The following ALLC variants were observed in gnomAD, a reference collection of about 807,000 sequenced individuals.
ALLC encodes the protein allantoicase.
In ALLC, 40 loss-of-function variants were observed where a neutral mutation model predicts 45.0. The ratio of observed to expected loss-of-function variants is 0.89; its 90% CI spans 0.69 to 1.16. ALLC has a LOEUF of 1.16. ALLC is among the 50% of genes most tolerant of loss of function. The probability of loss-of-function intolerance (pLI) is 0.00; values close to 1 mark genes in which losing one functional copy is unlikely to be tolerated. For synonymous variants in ALLC, 176 were observed against 178.1 expected, an observed-to-expected ratio of 0.99 and a Z score of 0.09; for missense variants, 488 against 493.1, an observed-to-expected ratio of 0.99 and a Z score of 0.10.
At chr2:3,675,225 C>T (rs1666991648) in intron 3 of ALLC, among the ~76,000 whole-genome samples, 1 of 151,990 alleles carries the variant, frequency 6.6e-6, no homozygotes, top group Non-Finnish European at 1.5e-5. Context: ...GACCCCATTT[C>T]TGAAAATAAA....
At chr2:3,669,123 G>A (rs1666800080) in intron 1 of ALLC, among the ~76,000 whole-genome samples, 1 of 151,288 alleles carries the variant, frequency 6.6e-6, no homozygotes, top group African/African-American at 2.4e-5. Flanking sequence ...GATCACCTAA[G>A]GTCAGGAGTT....
chr2:3,646,393 T>A, the ALLC span, among the ~76,000 whole-genome samples: 1 of 152,246 alleles, frequency 6.6e-6, no homozygotes, highest in African/African-American at 2.4e-5. Flanking sequence ...CCCATGAACC[T>A]GGGACTGTAA....
intron 1 of ALLC, among the ~76,000 whole-genome samples, chr2:3,664,907 C>A (rs952589902): frequency 1.4e-5 from 2 of 147,392 alleles, no homozygotes; most frequent in African/African-American, 2.5e-5. Context: ...AAAACCAAAA[C>A]CCCCCCCCAA....
intron 10 of ALLC, 66 bp from the exon 11 acceptor site, chr2:3,701,446 G>C: frequency 6.8e-7 from 1 of 1,461,268 alleles, no homozygotes; most frequent in Non-Finnish European, 9.1e-7. Context: ...AAAAAAGCAT[G>C]ATATCCTATA....
intron 10 of ALLC, among the ~76,000 whole-genome samples, chr2:3,701,113 A>C (rs1322073796): frequency 6.6e-6 from 1 of 152,240 alleles, no homozygotes; most frequent in Non-Finnish European, 1.5e-5. Context: ...ATGTTAAAAA[A>C]TATGTCATAG....
At chr2:3,681,782 A>AG in intron 6 of ALLC, 69 bp downstream of exon 6, 10 of 1,282,582 alleles carry the variant, frequency 7.8e-6, no homozygotes, top group African/African-American at 1.5e-5. Context: ...TGCTCTGCAC[A>AG]CCTGGCTGTG....
intron 1 of ALLC, among the ~76,000 whole-genome samples, chr2:3,667,061 G>A (rs997555714): frequency 6.6e-6 from 1 of 152,148 alleles, no homozygotes; most frequent in African/African-American, 2.4e-5. Flanking sequence ...CCCAGCAAAG[G>A]CACCATCAGC....
At position 3,701,649 on chromosome 2, in the gene ALLC, T is replaced by C. The variant is rs775780521; in HGVS notation, c.975+13T>C. ...TCCAGTGACCAAGGTTCGTGTGGCATGTTATTCGGATCCAGCACTCAGACT... is the reference window on the plus strand; with the variant it reads ...TCCAGTGACCAAGGTTCGTGTGGCACGTTATTCGGATCCAGCACTCAGACT... On this transcript the variant is annotated intron_variant, in intron 11 of 11. Coordinates refer to ENST00000252505, the MANE Select transcript of ALLC (RefSeq NM_018436.4). The C allele has an allele frequency of 2.5e-6, 4 of 1,608,484 alleles. No individual in the cohort carries two copies. The highest frequency in any genetic ancestry group is 1.1e-5 in the South Asian group (1 of 90,204).
At chr2:3,701,833 G>C (rs1041638984) in intron 11 of ALLC, among the ~76,000 whole-genome samples, 197 bp downstream of exon 11, 6 of 152,176 alleles carry the variant, frequency 3.9e-5, no homozygotes, top group Non-Finnish European at 8.8e-5. Flanking sequence ...AATTTTATTA[G>C]AACAAAATTG....
At chr2:3,666,740 CTG>C (rs1425035686) in intron 1 of ALLC, among the ~76,000 whole-genome samples, 1 of 152,194 alleles carries the variant, frequency 6.6e-6, no homozygotes, top group Non-Finnish European at 1.5e-5. Context: ...GGTTGTGTGT[CTG>C]TGTGGCGGTT....
chr2:3,673,846 T>A (rs778627000), intron 2 of ALLC, among the ~76,000 whole-genome samples: 1 of 152,070 alleles, frequency 6.6e-6, no homozygotes, highest in African/African-American at 2.4e-5. Flanking sequence ...TACCTCCAGA[T>A]GGTAAAGGAG....
Position 3,690,797 on chromosome 2 carries a change from T to C in ALLC, c.512-4920T>C, listed in dbSNP as rs1021440244. The stretch of plus-strand genomic sequence containing the variant: ...CCTGTTAAAGATATCAACAAAAAGA[T>C]TATTATTTTTGATAGATTTGTCTTT... On this transcript the variant is annotated intron_variant, in intron 7 of 11. Transcript: ENST00000252505. Among the ~76,000 whole-genome samples, 3 of 152,140 alleles carry C rather than the reference T, an allele frequency of 2.0e-5. No homozygotes were observed. In the South Asian group the frequency reaches 6.2e-4, roughly 31 times the overall value.
chr2:3,695,001 T>C (rs1425908940), intron 7 of ALLC: 1 of 152,232 alleles, frequency 6.6e-6, no homozygotes, highest in African/African-American at 2.4e-5. Context: ...TTTGATTTTG[T>C]GAATATTATC....
At chr2:3,671,298 G>A in intron 2 of ALLC, 108 bp downstream of exon 2, 3 of 1,307,272 alleles carry the variant, frequency 2.3e-6, no homozygotes, top group South Asian at 2.6e-5. Context: ...TCAGGCTGAA[G>A]TGTTGGCCTG....
At chr2:3,655,552 C>T (rs1465790111), upstream of ALLC, among the ~76,000 whole-genome samples, 1 of 152,202 alleles carries the variant, frequency 6.6e-6, no homozygotes, top group Non-Finnish European at 1.5e-5. Flanking sequence ...AACTGCTGGG[C>T]TCAAGCGATC....
chr2:3,663,164 A>T (rs1406643759), intron 1 of ALLC, among the ~76,000 whole-genome samples: 2 of 152,226 alleles, frequency 1.3e-5, no homozygotes, highest in Non-Finnish European at 2.9e-5. Context: ...GCAAAGACAT[A>T]GAACCAACCT....
At chr2:3,696,221 A>G in intron 8 of ALLC, 54 bp from the exon 9 acceptor site, 1 of 1,418,498 alleles carries the variant, frequency 7.0e-7, no homozygotes, top group East Asian at 2.3e-5. Context: ...CAATGTATTC[A>G]TCCTCATAGT....
chr2:3,648,774 G>A, the ALLC span, among the ~76,000 whole-genome samples: 4 of 152,100 alleles, frequency 2.6e-5, no homozygotes, highest in Non-Finnish European at 4.4e-5. Context: ...TTCCACCAGC[G>A]CATCACACGA....
upstream of ALLC, among the ~76,000 whole-genome samples, chr2:3,657,676 C>T (rs937732788): frequency 7.2e-5 from 11 of 152,236 alleles, no homozygotes; most frequent in African/African-American, 1.9e-4. Context: ...TGAAGGCAGG[C>T]GGCACGTGTT....
Sources: gnomAD v4.1 joint callset for allele counts (sites outside exome capture counted in the v4.1 genomes callset) on GRCh38, gnomAD v4.1.1 for gene constraint, MANE v1.5 for transcripts, NCBI Gene and HGNC (gene_info 2026-07-23, HGNC 2026-07-21) for gene names.